The following DAPP1 variants were observed in gnomAD, a reference collection of about 807,000 sequenced individuals.
DAPP1 encodes dual adapter for phosphotyrosine and 3-phosphotyrosine and 3-phosphoinositide.
In DAPP1, 20 loss-of-function variants were observed where a neutral mutation model predicts 41.5. That is an observed-to-expected ratio of 0.48 (90% confidence interval 0.34 to 0.70). The LOEUF (loss-of-function observed/expected upper bound fraction) is 0.70, where lower values mean the gene tolerates loss of function less well. Ranked by LOEUF, DAPP1 falls within the 30% of genes least tolerant of loss-of-function variation. The pLI is 0.01. For synonymous variants in DAPP1, 113 were observed against 116.2 expected (o/e 0.97, Z 0.18); for missense variants, 233 against 333.4 (o/e 0.70, Z 2.35).
At chr4:99,819,520 G>A (rs567195078) in intron 1 of DAPP1, among the ~76,000 whole-genome samples, 31 of 152,108 alleles carry the variant, frequency 2.0e-4, no homozygotes, top group Non-Finnish European at 4.1e-4. Flanking sequence ...TGTTGCCTCT[G>A]CCAGAATACT....
chr4:99,816,992 G>T lies in DAPP1; in HGVS notation c.79G>T (p.Ala27Ser). The T allele has an allele frequency of 2.5e-6, 4 of 1,603,598 alleles. 1 individual carries two copies. In the South Asian group the frequency reaches 4.5e-5, roughly 18 times the overall value. Residue 27 changes from alanine to serine, a missense_variant, in exon 1 of 9, where the codon GCT becomes TCT. Physicochemically the swap from Ala to Ser is moderately conservative, Grantham distance 99. Transcript: ENST00000512369. ...TCTGTGGAGCAGATCCGATGGAGAG[G>T]CTGAGCTGCTCCAGGACTTGGGGTA... ...SDLWSRSDGE[A>S]ELLQDLGWYH...
intron 3 of DAPP1, among the ~76,000 whole-genome samples, chr4:99,842,065 G>C (rs917511815): frequency 6.6e-6 from 1 of 152,226 alleles, no homozygotes; most frequent in Non-Finnish European, 1.5e-5. Context: ...AGTGCTTTCT[G>C]GTTGAACCTT....
intron 7 of DAPP1, 68 bp from the exon 8 acceptor site, chr4:99,865,966 T>TAAAA (rs1307444770): frequency 2.5e-5 from 2 of 78,932 alleles, no homozygotes; most frequent in African/African-American, 1.3e-4. Flanking sequence ...ATTATATATA[T>TAAAA]TATATATATA....
At chr4:99,856,222 A>G (rs1443128201) in intron 4 of DAPP1, among the ~76,000 whole-genome samples, 1 of 152,174 alleles carries the variant, frequency 6.6e-6, no homozygotes, top group East Asian at 1.9e-4. Context: ...CACAGACAAT[A>G]ATCAATGCAG....
intron 5 of DAPP1, among the ~76,000 whole-genome samples, chr4:99,861,990 G>A (rs982028785): frequency 1.3e-5 from 2 of 152,094 alleles, no homozygotes; most frequent in African/African-American, 4.8e-5. Context: ...TTTAAGGATA[G>A]GCCAAAAACA....
chr4:99,858,109 A>G (rs537151491), intron 4 of DAPP1, among the ~76,000 whole-genome samples: 28 of 152,308 alleles, frequency 1.8e-4, no homozygotes, highest in African/African-American at 6.7e-4. Flanking sequence ...GAAAATTAAC[A>G]TTGAGGCTGT....
rs1314281785 is a variant in DAPP1, at chr4:99,868,862, T to C, written c.*677T>C. ...AATTAGGTAGTATAATAAAGGTAAA[T>C]GAAGGTACAATTTTTAAACCATTAT... is the stretch of plus-strand genomic sequence containing the variant. On this transcript the variant is annotated 3_prime_UTR_variant, in exon 9 of 9. Coordinates refer to ENST00000512369, the MANE Select transcript of DAPP1 (RefSeq NM_014395.3). The C allele has an allele frequency of 6.6e-6, 1 of 152,104 alleles. No individual in the cohort carries two copies. Among genetic ancestry groups the C allele is most frequent in the Non-Finnish European group, 1.5e-5 (1 of 68,026 alleles). 9.4% of individuals were successfully genotyped at this position (152,104 alleles called of 1,614,324 possible). A position where few individuals can be genotyped will look rare whatever the true frequency, so the allele number is the denominator to read the frequency against.
At chr4:99,861,017 C>G (rs1724218710) in intron 4 of DAPP1, among the ~76,000 whole-genome samples, 1 of 152,152 alleles carries the variant, frequency 6.6e-6, no homozygotes, top group Non-Finnish European at 1.5e-5. Flanking sequence ...GTAAATAAAT[C>G]TACGCTCCTG....
intron 3 of DAPP1, among the ~76,000 whole-genome samples, chr4:99,847,837 CAG>C (rs1723718161): frequency 1.4e-5 from 2 of 143,312 alleles, no homozygotes; most frequent in Non-Finnish European, 1.5e-5. Flanking sequence ...TGTTTTGAGA[CAG>C]AGTCTCACTC....
At chr4:99,851,534 G>GTTTTTTTTTT (rs537614787) in intron 3 of DAPP1, among the ~76,000 whole-genome samples, 9 of 77,758 alleles carry the variant, frequency 1.2e-4, no homozygotes, top group Non-Finnish European at 1.2e-4. Flanking sequence ...GTTTTGTGTA[G>GTTTTTTTTTT]TTTTTTTTTT....
chr4:99,834,060 C>A (rs368814722), intron 1 of DAPP1, among the ~76,000 whole-genome samples: 1 of 152,096 alleles, frequency 6.6e-6, no homozygotes, highest in Non-Finnish European at 1.5e-5. Context: ...GGATTGGGAC[C>A]CAGGCAAAGC....
chr4:99,844,173 A>T (rs1265191826), intron 3 of DAPP1: 2 of 152,194 alleles, frequency 1.3e-5, no homozygotes, highest in Non-Finnish European at 2.9e-5. Context: ...GGATGAAAAG[A>T]AAGAAAAGAG....
intron 1 of DAPP1, among the ~76,000 whole-genome samples, chr4:99,834,100 C>T (rs901600293): frequency 1.3e-5 from 2 of 152,198 alleles, no homozygotes; most frequent in African/African-American, 2.4e-5. Context: ...CTAATCATCA[C>T]ATTTCATGCC....
In DAPP1 at chr4:99,861,932, GTTC is replaced by G. The variant is rs533336368; in HGVS notation, c.537+315_537+317del. On this transcript the variant is annotated intron_variant, in intron 5 of 8. Transcript: ENST00000512369. ...GCAAGTTTACTCTAGAACATCTTTCGTTCTTCTTCTAAAACAAGGAAGAAGTCA... is the reference window on the plus strand; with the variant it reads ...GCAAGTTTACTCTAGAACATCTTTCGTTCTTCTAAAACAAGGAAGAAGTCA... Among the ~76,000 whole-genome samples, 710 of 152,240 alleles carry G rather than the reference GTTC, an allele frequency of 4.7e-3. 9 individuals are homozygous for G. The highest frequency in any genetic ancestry group is 0.016 in the African/African-American group (669 of 41,540).
At chr4:99,820,307 A>G (rs763402312) in intron 1 of DAPP1, among the ~76,000 whole-genome samples, 1 of 152,236 alleles carries the variant, frequency 6.6e-6, no homozygotes, top group African/African-American at 2.4e-5. Flanking sequence ...AAACTGGTAA[A>G]GAATAGCTAG....
chr4:99,858,529 T>A (rs1043109787), intron 4 of DAPP1, among the ~76,000 whole-genome samples: 1 of 152,238 alleles, frequency 6.6e-6, no homozygotes. Flanking sequence ...AAAGTCACCA[T>A]ATTCCCTTTG....
At chr4:99,852,781 T>A (rs895336617) in intron 3 of DAPP1, among the ~76,000 whole-genome samples, 1 of 152,228 alleles carries the variant, frequency 6.6e-6, no homozygotes, top group African/African-American at 2.4e-5. Flanking sequence ...TTTTGTTTAG[T>A]CTTGTTCTCA....
intron 2 of DAPP1, among the ~76,000 whole-genome samples, chr4:99,839,419 G>T (rs1158386698): frequency 2.7e-5 from 4 of 148,278 alleles, no homozygotes; most frequent in African/African-American, 7.4e-5. Context: ...TATATATATA[G>T]ATATATATAT....
At chr4:99,859,991 G>A (rs1054647700) in intron 4 of DAPP1, among the ~76,000 whole-genome samples, 12 of 152,246 alleles carry the variant, frequency 7.9e-5, no homozygotes, top group African/African-American at 2.9e-4. Context: ...CCTGAACTGT[G>A]TTGGCTACTG....
Sources: allele counts gnomAD v4.1 joint callset (sites outside exome capture counted in the v4.1 genomes callset), GRCh38; gene constraint gnomAD v4.1.1; transcripts MANE v1.5; gene names NCBI Gene and HGNC (gene_info 2026-07-23, HGNC 2026-07-21).